LRRC37A2: variants seen among roughly 807,000 people sequenced by gnomAD.
The protein encoded by LRRC37A2 is leucine-rich repeat-containing protein 37A2.
In LRRC37A2, 9 loss-of-function variants were observed where a neutral mutation model predicts 68.8. That is an observed-to-expected ratio of 0.13 (90% CI 0.08 to 0.23). LRRC37A2 has a LOEUF of 0.23. LRRC37A2 is among the 10% of genes least tolerant of loss of function. The pLI, the probability that LRRC37A2 is intolerant of heterozygous loss-of-function variation, is 1.00. For missense variants in LRRC37A2, 168 were observed against 950.4 expected (o/e 0.18, Z 10.82); for synonymous variants, 63 against 367.6 (o/e 0.17, Z 9.48).
At chr17:46,963,980 G>A in the LRRC37A2 span, 1 of 152,108 alleles carries the variant, frequency 6.6e-6, no homozygotes, top group African/African-American at 2.4e-5. Flanking sequence ...TCACACCTGT[G>A]TAATTGACTT....
chr17:46,499,046 G>A, the LRRC37A2 span, among the ~76,000 whole-genome samples: 1 of 149,244 alleles, frequency 6.7e-6, no homozygotes, highest in Non-Finnish European at 1.5e-5. Flanking sequence ...CAGGCATGGT[G>A]GCTCACGCCT....
the LRRC37A2 span, chr17:46,875,153 C>T: frequency 1.2e-6 from 2 of 1,613,940 alleles, no homozygotes; most frequent in Non-Finnish European, 1.7e-6. Flanking sequence ...CCCTCACCCA[C>T]ACCCTGGCCC....
chr17:46,963,876 G>C, the LRRC37A2 span: 3 of 152,378 alleles, frequency 2.0e-5, no homozygotes, highest in Middle Eastern at 3.4e-3. Context: ...GAGTGCAATA[G>C]CACAATAAGA....
chr17:46,962,737 C>G, the LRRC37A2 span, among the ~76,000 whole-genome samples: 1 of 152,194 alleles, frequency 6.6e-6, no homozygotes, highest in African/African-American at 2.4e-5. Context: ...GGTTGCAGTT[C>G]CTGTCAGTAT....
the LRRC37A2 span, among the ~76,000 whole-genome samples, chr17:46,715,323 AG>A: frequency 6.6e-6 from 1 of 152,216 alleles, no homozygotes; most frequent in Non-Finnish European, 1.5e-5. Context: ...TCCCTAGAGT[AG>A]GTAGGGCTGT....
chr17:46,974,732 T>A, the LRRC37A2 span, among the ~76,000 whole-genome samples: 1 of 52,552 alleles, frequency 1.9e-5, no homozygotes, highest in Non-Finnish European at 4.6e-5. Context: ...AGACTCTCTC[T>A]CAAAAAAAAA....
chr17:46,942,577 A>G, the LRRC37A2 span, among the ~76,000 whole-genome samples: 1 of 152,178 alleles, frequency 6.6e-6, no homozygotes, highest in Non-Finnish European at 1.5e-5. Context: ...GCTGGCATGG[A>G]CTATAGAGCT....
chr17:46,922,802 A>AT, the LRRC37A2 span: 33 of 227,776 alleles, frequency 1.4e-4, no homozygotes, highest in African/African-American at 7.3e-4. Flanking sequence ...AGTGAAGCCA[A>AT]GCAAGAACCT....
chr17:47,047,612 A>G, the LRRC37A2 span, among the ~76,000 whole-genome samples: 1 of 151,848 alleles, frequency 6.6e-6, no homozygotes, highest in Non-Finnish European at 1.5e-5. Context: ...AGTAGTTTGT[A>G]AGGTGGTTTT....
chr17:46,874,341 G>C, the LRRC37A2 span, among the ~76,000 whole-genome samples: 2 of 152,160 alleles, frequency 1.3e-5, no homozygotes, highest in Non-Finnish European at 2.9e-5. Context: ...AAGCCCATGG[G>C]GCTTATCTCA....
At position 46,517,158 on chromosome 17, in the gene LRRC37A2, G is replaced by A. The variant is rs1365155622; in HGVS notation, c.2610-204G>A. 10 of 800,432 alleles carry A rather than the reference G, an allele frequency of 1.2e-5. No homozygotes were observed. In the South Asian group the frequency reaches 1.3e-4, roughly 11 times the overall value. 49.6% of individuals were successfully genotyped at this position (800,432 alleles called of 1,614,324 possible). A position where few individuals can be genotyped will look rare whatever the true frequency, so the allele number is the denominator to read the frequency against. ...GGATGGATAAGAAGTTAAGCTTCCA[G>A]GAGATGCCTCATCATTTGTGCCGGT... On this transcript the variant is annotated intron_variant, in intron 2 of 14. Transcript: ENST00000576629.
the LRRC37A2 span, among the ~76,000 whole-genome samples, chr17:46,742,153 A>G: frequency 0.15 from 22,669 of 152,234 alleles, 3,356 homozygotes; most frequent in East Asian, 0.6. Flanking sequence ...TAGCTAATCA[A>G]TTGATTAAAA....
At chr17:46,900,162 CATATACATATATATATATATATATAT>C in the LRRC37A2 span, among the ~76,000 whole-genome samples, 7 of 101,154 alleles carry the variant, frequency 6.9e-5, no homozygotes, top group Admixed American at 1.1e-4. Context: ...TATATATATA[CATATACATATATATATATATATATAT>C]ATATATATAT....
the LRRC37A2 span, among the ~76,000 whole-genome samples, chr17:46,752,933 A>G: frequency 6.6e-6 from 1 of 151,728 alleles, no homozygotes; most frequent in Non-Finnish European, 1.5e-5. Flanking sequence ...ATGCCTGGCT[A>G]ATTTTTTGTA....
the LRRC37A2 span, among the ~76,000 whole-genome samples, chr17:46,678,355 C>A: frequency 1.2e-5 from 1 of 85,060 alleles, no homozygotes; most frequent in Non-Finnish European, 2.2e-5. Context: ...CTGAGAAAAT[C>A]AGTAAGTAAA....
the LRRC37A2 span, chr17:46,818,540 G>A: frequency 6.2e-7 from 1 of 1,608,774 alleles, no homozygotes; most frequent in Non-Finnish European, 8.5e-7. Flanking sequence ...TAGCCAGCGA[G>A]GACCCTGGTG....
At chr17:47,026,157 A>C in the LRRC37A2 span, among the ~76,000 whole-genome samples, 1 of 152,184 alleles carries the variant, frequency 6.6e-6, no homozygotes, top group Non-Finnish European at 1.5e-5. Flanking sequence ...GAACAATGCC[A>C]TTTGAATAGG....
chr17:46,784,847 G>C, the LRRC37A2 span, among the ~76,000 whole-genome samples: 20 of 150,190 alleles, frequency 1.3e-4, no homozygotes, highest in South Asian at 2.1e-4. Context: ...GCGATCTCGG[G>C]TCACTGCAAG....
At chr17:46,609,263 GTTC>G in the LRRC37A2 span, among the ~76,000 whole-genome samples, 7 of 147,644 alleles carry the variant, frequency 4.7e-5, no homozygotes, top group Non-Finnish European at 1.0e-4. Flanking sequence ...GTGTATATAT[GTTC>G]TTCTTCAATA....
Sources: gnomAD v4.1 joint callset for allele counts (sites outside exome capture counted in the v4.1 genomes callset) on GRCh38, gnomAD v4.1.1 for gene constraint, MANE v1.5 for transcripts, NCBI Gene and HGNC (gene_info 2026-07-23, HGNC 2026-07-21) for gene names.